The following DHX15 variants were observed in gnomAD, a reference collection of about 807,000 sequenced individuals.
DHX15 encodes DEAH-box helicase 15.
Under a neutral mutation model 94.4 loss-of-function variants are expected in DHX15, and 11 were observed. The ratio of observed to expected loss-of-function variants is 0.12; its 90% CI spans 0.07 to 0.19. DHX15 has a LOEUF of 0.19. Among genes scored for constraint, DHX15 ranks in the 10% least tolerant of loss-of-function variants. The probability of loss-of-function intolerance (pLI) is 1.00; values close to 1 mark genes in which losing one functional copy is unlikely to be tolerated. For missense variants in DHX15, 304 were observed against 988.5 expected, an observed-to-expected ratio of 0.31 and a Z score of 9.29; for synonymous variants, 338 against 329.9, an observed-to-expected ratio of 1.02 and a Z score of -0.27.
At chr4:24,582,565 G>C (rs1398426566) in intron 1 of DHX15, among the ~76,000 whole-genome samples, 1 of 152,180 alleles carries the variant, frequency 6.6e-6, no homozygotes, top group South Asian at 2.1e-4. Context: ...TTTTGCCTTA[G>C]AGAAATCAAG....
In DHX15 at chr4:24,537,414, T is replaced by C. The variant is rs1412570435; in HGVS notation, c.1787-241A>G. ...TGATTATTTTAACTAGATCTAAAAG[T>C]AGGCATCAAAACAGCTATTCTGAAG... On this transcript the variant is annotated intron_variant, in intron 10 of 13. Transcript: ENST00000336812. The surrounding 1 kb of genome is among the most constrained non-coding windows in gnomAD (Gnocchi z 4.7). 3 of 366,310 alleles carry C rather than the reference T, an allele frequency of 8.2e-6. No individual in the cohort carries two copies. The highest frequency in any genetic ancestry group is 9.9e-5 in the East Asian group (2 of 20,286). 22.7% of individuals were successfully genotyped at this position (366,310 alleles called of 1,614,324 possible).
chr4:24,574,397 G>A (rs1028556367), intron 2 of DHX15, among the ~76,000 whole-genome samples: 1 of 152,080 alleles, frequency 6.6e-6, no homozygotes, highest in Admixed American at 6.6e-5. Context: ...AAATCCCCCA[G>A]ATGTGCTGCA....
intron 3 of DHX15, among the ~76,000 whole-genome samples, chr4:24,568,842 A>G (rs1722054248): frequency 6.6e-6 from 1 of 152,236 alleles, no homozygotes; most frequent in Non-Finnish European, 1.5e-5. Context: ...TTATGCAATT[A>G]TTGTCAATTA....
In DHX15 at chr4:24,550,619, C is replaced by T. The variant is rs144702446; in HGVS notation, c.1081-1597G>A. ...CTATCTTCCACCTTAACGTATTAACCCACTGGAAGGTCTCCAAAGGCCAGT... is the reference window on the plus strand; with the variant it reads ...CTATCTTCCACCTTAACGTATTAACTCACTGGAAGGTCTCCAAAGGCCAGT... On this transcript the variant is annotated intron_variant, in intron 5 of 13. Coordinates refer to ENST00000336812, the MANE Select transcript of DHX15 (RefSeq NM_001358.3). Among the ~76,000 whole-genome samples, 525 of 152,244 alleles carry T rather than the reference C, an allele frequency of 3.4e-3. 6 individuals are homozygous for T. Among genetic ancestry groups the T allele is most frequent in the African/African-American group, 0.012 (501 of 41,542 alleles).
intron 11 of DHX15, among the ~76,000 whole-genome samples, chr4:24,535,442 G>T (rs1721173175): frequency 6.6e-6 from 1 of 152,166 alleles, no homozygotes; most frequent in Non-Finnish European, 1.5e-5. Flanking sequence ...GAATACAGTA[G>T]GTTTTTTGAG....
At chr4:24,566,039 ACCAT>A (rs2109006456) in intron 3 of DHX15, among the ~76,000 whole-genome samples, 3 of 140,348 alleles carry the variant, frequency 2.1e-5, no homozygotes, top group African/African-American at 8.3e-5. Context: ...TTCACAAACC[ACCAT>A]TTTTTTTTTT....
At chr4:24,584,204 C>T in intron 1 of DHX15, 119 bp downstream of exon 1, 1 of 1,104,306 alleles carries the variant, frequency 9.1e-7, no homozygotes, top group Admixed American at 2.2e-5. Flanking sequence ...TGAACCCAGC[C>T]CAGAGAGAAA....
At chr4:24,545,176 T>C (rs1207228002) in intron 6 of DHX15, among the ~76,000 whole-genome samples, 1 of 152,208 alleles carries the variant, frequency 6.6e-6, no homozygotes, top group Non-Finnish European at 1.5e-5. Context: ...TCTGGAATTC[T>C]GGGGTGAAAA....
rs1458750383 is a variant in DHX15, at chr4:24,584,206, A to G, written c.71+117T>C. 4 of 1,102,172 alleles carry G rather than the reference A, an allele frequency of 3.6e-6. No homozygotes were observed. In the African/African-American group the frequency reaches 6.4e-5, roughly 18 times the overall value. 68.3% of individuals were successfully genotyped at this position (1,102,172 alleles called of 1,614,324 possible). On this transcript the variant is annotated intron_variant, in intron 1 of 13. Coordinates refer to ENST00000336812, the MANE Select transcript of DHX15 (RefSeq NM_001358.3). ...TACCCGCCGCTAGTGAACCCAGCCC[A>G]GAGAGAAACAAAGGCTCGGGCTCCA...
chr4:24,581,273 C>T (rs1200740174), intron 1 of DHX15, among the ~76,000 whole-genome samples: 5 of 151,730 alleles, frequency 3.3e-5, no homozygotes, highest in East Asian at 2.0e-4. Flanking sequence ...CGTGATCCAC[C>T]CGCCTCGGCC....
At chr4:24,536,714 C>T (rs1212327191) in intron 11 of DHX15, among the ~76,000 whole-genome samples, 3 of 151,886 alleles carry the variant, frequency 2.0e-5, no homozygotes, top group East Asian at 1.9e-4. Context: ...ATTGTATAAA[C>T]AATATAAAAC....
At chr4:24,572,484 C>T (rs1223350053) in intron 2 of DHX15, among the ~76,000 whole-genome samples, 1 of 152,112 alleles carries the variant, frequency 6.6e-6, no homozygotes, top group Non-Finnish European at 1.5e-5. Flanking sequence ...AACAGCTTAC[C>T]TCCACTTTAA....
chr4:24,575,162 A>C (rs1722228105), intron 2 of DHX15, among the ~76,000 whole-genome samples: 1 of 151,986 alleles, frequency 6.6e-6, no homozygotes. Flanking sequence ...AAATTAAAAA[A>C]AAAAAAAAGA....
intron 6 of DHX15, among the ~76,000 whole-genome samples, chr4:24,545,303 T>A (rs1364134238): frequency 6.6e-6 from 1 of 152,256 alleles, no homozygotes; most frequent in East Asian, 1.9e-4. Flanking sequence ...ATTTCTCATG[T>A]GACCAACTCT....
chr4:24,533,704 C>A (rs1721137454), intron 11 of DHX15: 1 of 152,886 alleles, frequency 6.5e-6, no homozygotes, highest in African/African-American at 2.4e-5. Flanking sequence ...AAGCTTCCAA[C>A]TAGCCTAGTG....
At chr4:24,531,134 G>C (rs1223796906) in intron 12 of DHX15, among the ~76,000 whole-genome samples, 1 of 151,644 alleles carries the variant, frequency 6.6e-6, no homozygotes, top group Non-Finnish European at 1.5e-5. Context: ...TGTCGCCCAG[G>C]CTGGAGTGCA....
intron 8 of DHX15, among the ~76,000 whole-genome samples, chr4:24,541,504 A>G (rs1319060830): frequency 6.6e-6 from 1 of 152,150 alleles, no homozygotes; most frequent in South Asian, 2.1e-4. Context: ...TGAAACGCTG[A>G]AAGTTAGTAA....
At position 24,537,459 on chromosome 4, in the gene DHX15, G is replaced by T; in HGVS notation, c.1787-286C>A. ...CTGAAGGCCATCAGGATACTAAAAA[G>T]CTCAACTTATTTAAAAAAACCAGTG... On this transcript the variant is annotated intron_variant, in intron 10 of 13. Coordinates refer to ENST00000336812, the MANE Select transcript of DHX15 (RefSeq NM_001358.3). This position sits in a 1 kb window ranked among gnomAD's most constrained non-coding sequence, Gnocchi z 4.7. 1 of 236,418 alleles carries T rather than the reference G, an allele frequency of 4.2e-6. No individual in the cohort carries two copies. Among genetic ancestry groups the T allele is most frequent in the Non-Finnish European group, 8.2e-6 (1 of 122,384 alleles). The allele number at this position is 236,418 out of a possible 1,614,324, so 14.6% of individuals were successfully genotyped here. A position where few individuals can be genotyped will look rare whatever the true frequency, so the allele number is the denominator to read the frequency against.
Position 24,529,542 on chromosome 4 carries a change from C to CA in DHX15, c.2270+58dup, listed in dbSNP as rs563081839. 2,531 of 1,473,464 alleles carry CA rather than the reference C, an allele frequency of 1.7e-3. 6 individuals are homozygous for CA. Among genetic ancestry groups the CA allele is most frequent in the Non-Finnish European group, 2.1e-3 (2,244 of 1,061,260 alleles). The allele number at this position is 1,473,464 out of a possible 1,614,324, so 91.3% of individuals were successfully genotyped here. On this transcript the variant is annotated intron_variant, in intron 13 of 13. Coordinates refer to ENST00000336812, the MANE Select transcript of DHX15 (RefSeq NM_001358.3). The stretch of plus-strand genomic sequence containing the variant: ...GCAAGGCCATGACTCTAGCAACAGT[C>CA]AGGTTCCATTTTGAGCAAAGTACTA...
Sources: gnomAD v4.1 joint callset for allele counts (sites outside exome capture counted in the v4.1 genomes callset) on GRCh38, gnomAD v4.1.1 for gene constraint, Gnocchi (gnomAD v3.1) non-coding constraint, MANE v1.5 for transcripts, NCBI Gene and HGNC (gene_info 2026-07-23, HGNC 2026-07-21) for gene names.